PADI2: variants seen among roughly 807,000 people sequenced by gnomAD.
PADI2 encodes peptidyl arginine deiminase 2, also known as protein-arginine deiminase type-2.
Under a neutral mutation model 81.1 loss-of-function variants are expected in PADI2, and 70 were observed. The observed-to-expected ratio is 0.86, with a 90% CI of 0.71 to 1.05. PADI2 has a LOEUF of 1.05. Among genes scored for constraint, PADI2 ranks in the 50% least tolerant of loss-of-function variants. The pLI is 0.00. For synonymous variants in PADI2, 338 were observed against 358.0 expected, an observed-to-expected ratio of 0.94 and a Z score of 0.63; for missense variants, 853 against 889.9, an observed-to-expected ratio of 0.96 and a Z score of 0.53.
rs983164452 is a variant in PADI2, at chr1:17,066,947, G to A, written c.*2097C>T. 6.6e-6 allele frequency: 1 copy of A among 152,128 alleles called. No individual in the cohort carries two copies. The highest frequency in any genetic ancestry group is 1.5e-5 in the Non-Finnish European group (1 of 68,042). The allele number at this position is 152,128 out of a possible 1,614,324, so 9.4% of individuals were successfully genotyped here. ...AAGGTGGAAGCAGGAACTTAGCTGA[G>A]TTTTGCAACAGAGAAGCGTATTCTA... On this transcript the variant is annotated 3_prime_UTR_variant, in exon 16 of 16. Transcript: ENST00000375486.
Position 17,082,622 on chromosome 1 carries a change from G to A in PADI2, c.1081C>T (p.Pro361Ser), listed in dbSNP as rs1290219105. 6.2e-7 allele frequency: 1 copy of A among 1,609,806 alleles called. No individual in the cohort carries two copies. The highest frequency in any genetic ancestry group is 1.1e-5 in the South Asian group (1 of 90,782). The change falls in exon 10 of 16, where the codon CCC becomes TCC. Residue 361 changes from proline (P) to serine (S), a missense_variant. By Grantham distance (74) the Pro-to-Ser change is moderately conservative. Coordinates refer to ENST00000375486, the MANE Select transcript of PADI2 (RefSeq NM_007365.3). ...DEIEFGYIEAPHKGFPVVLDS... is the reference protein window; with the variant it reads ...DEIEFGYIEASHKGFPVVLDS... ...AGCACCACGGGGAAGCCTTTATGGG[G>A]GGCCTCGATGTAGCCAAACTCAATT... is the stretch of plus-strand genomic sequence containing the variant.
At chr1:17,080,401 A>G (rs1010718539) in intron 10 of PADI2, among the ~76,000 whole-genome samples, 1 of 152,210 alleles carries the variant, frequency 6.6e-6, no homozygotes, top group Non-Finnish European at 1.5e-5. Flanking sequence ...TGCTAGGAGA[A>G]TGGCATTTCC....
intron 3 of PADI2, among the ~76,000 whole-genome samples, chr1:17,096,734 G>C (rs1416097691): frequency 6.6e-6 from 1 of 152,230 alleles, no homozygotes; most frequent in Admixed American, 6.5e-5. Context: ...GTGGGGTTTA[G>C]ACCCTGGTTC....
Position 17,089,444 on chromosome 1 carries a change from C to T in PADI2, c.656-2745G>A, listed in dbSNP as rs555795654. 9.8e-5 allele frequency among the ~76,000 whole-genome samples: 15 copies of T among 152,352 alleles called. No homozygotes were observed. The South Asian group carries it at 2.9e-3, about 29-fold the overall frequency. Reference sequence around the variant, plus strand: ...CCAACTTGTCCTGGCAGAAGCCACACAGCCAAAGCTTTCCCAGGGCTCAGA... The same window carrying T: ...CCAACTTGTCCTGGCAGAAGCCACATAGCCAAAGCTTTCCCAGGGCTCAGA... On this transcript the variant is annotated intron_variant, in intron 6 of 15. Transcript: ENST00000375486.
intron 2 of PADI2, among the ~76,000 whole-genome samples, chr1:17,104,487 T>A (rs1352113805): frequency 1.7e-5 from 2 of 120,888 alleles, no homozygotes; most frequent in Non-Finnish European, 3.3e-5. Context: ...CAGGCTGGAG[T>A]GCAGTGGTGC....
intron 8 of PADI2, 48 bp downstream of exon 8, chr1:17,084,551 C>T: frequency 8.1e-7 from 1 of 1,237,360 alleles, no homozygotes; most frequent in Non-Finnish European, 1.2e-6. Context: ...TGACTCGGCC[C>T]TTGGCCACTC....
At chr1:17,113,564 A>G (rs1374500434) in intron 1 of PADI2, among the ~76,000 whole-genome samples, 4 of 152,172 alleles carry the variant, frequency 2.6e-5, no homozygotes, top group Non-Finnish European at 5.9e-5. Flanking sequence ...CAAAGTCTGG[A>G]GTCTTTCCTG....
Position 17,067,295 on chromosome 1 carries a change from C to G in PADI2, c.*1749G>C, listed in dbSNP as rs965330566. The G allele has an allele frequency of 2.0e-5, 3 of 151,766 alleles. No individual in the cohort carries two copies. Among genetic ancestry groups the G allele is most frequent in the Admixed American group, 6.6e-5 (1 of 15,234 alleles). 9.4% of individuals were successfully genotyped at this position (151,766 alleles called of 1,614,324 possible). On this transcript the variant is annotated 3_prime_UTR_variant, in exon 16 of 16. Coordinates refer to ENST00000375486, the MANE Select transcript of PADI2 (RefSeq NM_007365.3). Reference sequence around the variant, plus strand: ...GACAAACTCTAAGTCTCCAGACAGACACCCTCAAATAGGCACTTGGTGTTT... The same window carrying G: ...GACAAACTCTAAGTCTCCAGACAGAGACCCTCAAATAGGCACTTGGTGTTT...
At chr1:17,086,964 G>A (rs2076614) in intron 6 of PADI2, among the ~76,000 whole-genome samples, 48,573 of 151,980 alleles carry the variant, frequency 0.32, 8,240 homozygotes, top group East Asian at 0.58. Context: ...AAGCTCTCTC[G>A]TGAACGGCTG....
At chr1:17,096,555 T>C (rs924697004) in intron 3 of PADI2, among the ~76,000 whole-genome samples, 11 of 152,224 alleles carry the variant, frequency 7.2e-5, no homozygotes, top group Non-Finnish European at 8.8e-5. Context: ...GGAAGCTGTC[T>C]CTAACCCCTC....
intron 2 of PADI2, among the ~76,000 whole-genome samples, chr1:17,103,350 C>T (rs986274686): frequency 1.3e-5 from 2 of 152,184 alleles, no homozygotes; most frequent in African/African-American, 4.8e-5. Context: ...CCATATCTGC[C>T]ATGTTGCACG....
chr1:17,085,274 C>T (rs1446208453), intron 7 of PADI2, among the ~76,000 whole-genome samples: 1 of 152,178 alleles, frequency 6.6e-6, no homozygotes, highest in African/African-American at 2.4e-5. Context: ...AGGTCTGATT[C>T]CAGGGTTCCT....
rs2078297200 is a variant in PADI2, at chr1:17,075,738, A to C, written c.1396T>G (p.Trp466Gly). Residue 466 changes from tryptophan to glycine, a missense_variant, in exon 12 of 16, where the codon TGG (tryptophan) becomes GGG (glycine). Coordinates refer to ENST00000375486, the MANE Select transcript of PADI2 (RefSeq NM_007365.3). ...TCATCCACGTGGCCCACAGTCAGCCAGTCTGAGTAGAGCTCCACGGGCGCC... is the reference window on the plus strand; with the variant it reads ...TCATCCACGTGGCCCACAGTCAGCCCGTCTGAGTAGAGCTCCACGGGCGCC... ...VQAPVELYSD[W>G]LTVGHVDEFM... 1 of 1,614,036 alleles carries C rather than the reference A, an allele frequency of 6.2e-7. No homozygotes were observed. The highest frequency in any genetic ancestry group is 1.7e-5 in the Admixed American group (1 of 59,992).
chr1:17,098,226 C>A (rs1399854660), intron 3 of PADI2, among the ~76,000 whole-genome samples: 1 of 152,188 alleles, frequency 6.6e-6, no homozygotes, highest in Non-Finnish European at 1.5e-5. Flanking sequence ...AGCCCAAAGT[C>A]AAAGACACAA....
At chr1:17,089,470 G>A (rs1488521268) in intron 6 of PADI2, among the ~76,000 whole-genome samples, 1 of 152,224 alleles carries the variant, frequency 6.6e-6, no homozygotes, top group Non-Finnish European at 1.5e-5. Context: ...AGGGCTCAGA[G>A]CACCTGGGGG....
In PADI2 at chr1:17,086,559, C is replaced by A. The variant is rs1570987189; in HGVS notation, c.796G>T (p.Val266Phe). ...TCCAGCAGGCTGACATGGATGGAGA[C>A]CAGGCCTGAGAAGCCCTCGTCGGGG... ...CFPDEGFSGL[V>F]SIHVSLLEYM... Residue 266 changes from valine (V) to phenylalanine (F), a missense_variant, in exon 7 of 16, where the codon GTC becomes TTC. Physicochemically the swap from Val to Phe is conservative, Grantham distance 50. Coordinates refer to ENST00000375486, the MANE Select transcript of PADI2 (RefSeq NM_007365.3). The A allele has an allele frequency of 6.2e-7, 1 of 1,613,878 alleles. No individual in the cohort carries two copies. Among genetic ancestry groups the A allele is most frequent in the South Asian group, 1.1e-5 (1 of 91,082 alleles).
chr1:17,081,903 A>C (rs1315153578), intron 10 of PADI2, among the ~76,000 whole-genome samples: 1 of 152,224 alleles, frequency 6.6e-6, no homozygotes, highest in African/African-American at 2.4e-5. Context: ...ATCTGGGGTC[A>C]GGAGTTCGAG....
rs2078227996 is a variant in PADI2 at position 17,067,159 on chromosome 1, ACTGT to A, written c.*1881_*1884del. On this transcript the variant is annotated 3_prime_UTR_variant, in exon 16 of 16. Transcript: ENST00000375486. ...GCCTTAGAAAAATCTATAAAGACACACTGTCTGCACATGGGAGGCGCTCACTTCC... is the reference window on the plus strand; with the variant it reads ...GCCTTAGAAAAATCTATAAAGACACACTGCACATGGGAGGCGCTCACTTCC... 6.7e-6 allele frequency: 1 copy of A among 148,328 alleles called. No individual in the cohort carries two copies. The highest frequency in any genetic ancestry group is 2.1e-4 in the South Asian group (1 of 4,672). 9.2% of individuals were successfully genotyped at this position (148,328 alleles called of 1,614,324 possible). A position where few individuals can be genotyped will look rare whatever the true frequency, so the allele number is the denominator to read the frequency against.
At chr1:17,110,322 G>A (rs1260675828) in intron 1 of PADI2, among the ~76,000 whole-genome samples, 1 of 152,046 alleles carries the variant, frequency 6.6e-6, no homozygotes, top group Non-Finnish European at 1.5e-5. Context: ...ATGGATGGAG[G>A]GACAGGCTGC....
Sources: allele counts gnomAD v4.1 joint callset (sites outside exome capture counted in the v4.1 genomes callset), GRCh38; gene constraint gnomAD v4.1.1; transcripts MANE v1.5; gene names NCBI Gene and HGNC (gene_info 2026-07-23, HGNC 2026-07-21).